The following ST6GAL1 variants were observed in gnomAD, a reference collection of about 807,000 sequenced individuals.
The protein encoded by ST6GAL1 is beta-galactoside alpha-2,6-sialyltransferase 1.
Under a neutral mutation model 38.0 loss-of-function variants are expected in ST6GAL1, and 20 were observed. That is an observed-to-expected ratio of 0.53 (90% CI 0.37 to 0.77). The LOEUF is 0.77. Ranked by LOEUF, ST6GAL1 falls within the 30% of genes least tolerant of loss-of-function variation. The probability of loss-of-function intolerance (pLI) is 0.00; values close to 1 mark genes in which losing one functional copy is unlikely to be tolerated. For missense variants in ST6GAL1, 432 were observed against 496.4 expected, an observed-to-expected ratio of 0.87 and a Z score of 1.23; for synonymous variants, 196 against 188.2, an observed-to-expected ratio of 1.04 and a Z score of -0.34.
intron 1 of ST6GAL1, among the ~76,000 whole-genome samples, chr3:186,937,674 G>T (rs1326846521): frequency 6.6e-6 from 1 of 152,180 alleles, no homozygotes; most frequent in Non-Finnish European, 1.5e-5. Flanking sequence ...CTTGAGGAGG[G>T]AGTCACCAAT....
At chr3:186,967,450 C>G (rs115907288) in intron 2 of ST6GAL1, among the ~76,000 whole-genome samples, 3,281 of 152,292 alleles carry the variant, frequency 0.022, 131 homozygotes, top group African/African-American at 0.075. Context: ...ACTCAGTCTC[C>G]CAAAGTGCCG....
intron 2 of ST6GAL1, among the ~76,000 whole-genome samples, chr3:187,021,385 G>C (rs773678441): frequency 6.6e-6 from 1 of 152,126 alleles, no homozygotes; most frequent in African/African-American, 2.4e-5. Context: ...CTCTCCTGCC[G>C]TCCTTTCACC....
At chr3:186,976,884 C>T (rs991760485) in intron 2 of ST6GAL1, among the ~76,000 whole-genome samples, 5 of 152,226 alleles carry the variant, frequency 3.3e-5, no homozygotes, top group Admixed American at 2.0e-4. Flanking sequence ...TGTATTTCTT[C>T]AGTCACTCAT....
In ST6GAL1 at chr3:186,971,255, A is replaced by AT. The variant is rs367555753; in HGVS notation, c.-183+7336dup. On this transcript the variant is annotated intron_variant, in intron 2 of 7. Transcript: ENST00000169298. ...AGGTGTGCGCCACCATGCCTGGCTAATTTTTTTGTATCTTTAGTAGAGACG... is the reference window on the plus strand; with the variant it reads ...AGGTGTGCGCCACCATGCCTGGCTAATTTTTTTTGTATCTTTAGTAGAGACG... Among the ~76,000 whole-genome samples, 153 of 152,186 alleles carry AT rather than the reference A, an allele frequency of 1.0e-3. 1 individual carries two copies. The highest frequency in any genetic ancestry group is 3.4e-3 in the African/African-American group (143 of 41,498).
intron 2 of ST6GAL1, among the ~76,000 whole-genome samples, chr3:186,997,509 A>T (rs187328740): frequency 1.3e-5 from 2 of 152,178 alleles, no homozygotes; most frequent in East Asian, 3.9e-4. Flanking sequence ...GCCTCCCAAC[A>T]TTTTGAGAGG....
chr3:187,051,487 A>G (rs959573809), intron 5 of ST6GAL1, 141 bp downstream of exon 5: 1 of 697,894 alleles, frequency 1.4e-6, no homozygotes, highest in African/African-American at 1.8e-5. Flanking sequence ...TCACTGGAGA[A>G]GAAGACAATG....
chr3:187,074,029 AG>A, intron 6 of ST6GAL1, 129 bp from the exon 7 acceptor site: 1 of 777,252 alleles, frequency 1.3e-6, no homozygotes, highest in Non-Finnish European at 1.9e-6. Context: ...CTGCAAGAAA[AG>A]GGCTGTGCCT....
At chr3:186,995,505 C>CAAAAAAAA (rs200317857) in intron 2 of ST6GAL1, among the ~76,000 whole-genome samples, 1 of 26,766 alleles carries the variant, frequency 3.7e-5, no homozygotes, top group Non-Finnish European at 7.3e-5. Flanking sequence ...GACACCATCT[C>CAAAAAAAA]AAAAAAAAAA....
At chr3:187,000,742 C>T (rs1050507647) in intron 2 of ST6GAL1, among the ~76,000 whole-genome samples, 2 of 152,152 alleles carry the variant, frequency 1.3e-5, no homozygotes, top group Non-Finnish European at 2.9e-5. Context: ...ACAGTAGGCA[C>T]CCACACATTT....
At chr3:186,947,191 C>G (rs950173590) in intron 1 of ST6GAL1, among the ~76,000 whole-genome samples, 4 of 152,150 alleles carry the variant, frequency 2.6e-5, no homozygotes, top group Non-Finnish European at 5.9e-5. Flanking sequence ...GTAGATATCT[C>G]TAGGTTGCCC....
At chr3:187,072,627 A>G (rs1300932891) in intron 5 of ST6GAL1, 1 of 508,370 alleles carries the variant, frequency 2.0e-6, no homozygotes, top group Admixed American at 2.9e-5. Flanking sequence ...AACCCTTTCT[A>G]TTCTATGGCT....
intron 5 of ST6GAL1, among the ~76,000 whole-genome samples, chr3:187,070,861 G>A (rs1719345895): frequency 6.6e-6 from 1 of 152,066 alleles, no homozygotes; most frequent in Non-Finnish European, 1.5e-5. Context: ...CTTTCCTTTG[G>A]CTCCTTAGCA....
intron 2 of ST6GAL1, among the ~76,000 whole-genome samples, chr3:186,979,267 G>A (rs12636809): frequency 0.062 from 9,492 of 152,174 alleles, 381 homozygotes; most frequent in East Asian, 0.18. Flanking sequence ...GAGGCCTAGC[G>A]TTATTGATTA....
intron 2 of ST6GAL1, chr3:187,024,965 A>G (rs887095997): frequency 7.3e-5 from 11 of 150,190 alleles, no homozygotes; most frequent in African/African-American, 2.5e-4. Context: ...TTATATTCAT[A>G]TATTCTCTGG....
intron 2 of ST6GAL1, among the ~76,000 whole-genome samples, chr3:186,979,510 A>G (rs528064097): frequency 3.7e-4 from 56 of 150,210 alleles, no homozygotes; most frequent in African/African-American, 1.4e-3. Flanking sequence ...GATGGTCCCC[A>G]AAGGAGGGTA....
intron 2 of ST6GAL1, among the ~76,000 whole-genome samples, chr3:186,974,631 T>C (rs1375054536): frequency 1.3e-5 from 2 of 151,832 alleles, no homozygotes; most frequent in Non-Finnish European, 2.9e-5. Context: ...GACAGGAGAA[T>C]TATTTTTGTT....
rs201971756 is a variant in ST6GAL1 at position 187,076,970 on chromosome 3, C to T, written c.*1167C>T. 0.038 allele frequency: 14,181 copies of T among 371,674 alleles called. 523 individuals are homozygous for T. Among genetic ancestry groups the T allele is most frequent in the African/African-American group, 0.15 (5,254 of 34,146 alleles). 23.0% of individuals were successfully genotyped at this position (371,674 alleles called of 1,614,324 possible). On this transcript the variant is annotated 3_prime_UTR_variant, in exon 8 of 8. Transcript: ENST00000169298. ...CTACCCCCAAATCTTCTCCTAACCA[C>T]CATCTGTTTTTTTTTTTTAAAGCAT...
At chr3:186,995,505 C>CAA (rs200317857) in intron 2 of ST6GAL1, among the ~76,000 whole-genome samples, 1 of 26,766 alleles carries the variant, frequency 3.7e-5, no homozygotes, top group African/African-American at 1.4e-4. Flanking sequence ...GACACCATCT[C>CAA]AAAAAAAAAA....
chr3:186,968,888 C>T (rs1036655770), intron 2 of ST6GAL1, among the ~76,000 whole-genome samples: 2 of 152,010 alleles, frequency 1.3e-5, no homozygotes, highest in Non-Finnish European at 2.9e-5. Context: ...ATGTGGTGGG[C>T]GTTTGTTTAA....
Sources: allele counts gnomAD v4.1 joint callset (sites outside exome capture counted in the v4.1 genomes callset), GRCh38; gene constraint gnomAD v4.1.1; transcripts MANE v1.5; gene names NCBI Gene and HGNC (gene_info 2026-07-23, HGNC 2026-07-21).